Variants in EGFR observed in about 807,000 individuals in gnomAD.
The protein encoded by EGFR is epidermal growth factor receptor, also known as avian erythroblastic leukemia viral (v-erb-b) oncogene homolog.
Under a neutral mutation model 143.0 loss-of-function variants are expected in EGFR, and 58 were observed. The observed-to-expected ratio is 0.41, with a 90% CI of 0.33 to 0.50. EGFR has a LOEUF of 0.50. EGFR is among the 20% of genes least tolerant of loss of function. EGFR has a pLI of 0.39. For missense variants in EGFR, 1,307 were observed against 1,579.0 expected, an observed-to-expected ratio of 0.83 and a Z score of 2.92; for synonymous variants, 613 against 594.4, an observed-to-expected ratio of 1.03 and a Z score of -0.45.
chr7:55,077,282 C>G (rs1048037549), intron 1 of EGFR, among the ~76,000 whole-genome samples: 2 of 152,082 alleles, frequency 1.3e-5, no homozygotes, highest in African/African-American at 4.8e-5. Context: ...CACAGGGCCT[C>G]AAGCACACAG....
chr7:55,043,145 A>G (rs931113808), intron 1 of EGFR, among the ~76,000 whole-genome samples: 3 of 152,114 alleles, frequency 2.0e-5, no homozygotes, highest in East Asian at 1.9e-4. Flanking sequence ...CGTAGACTCA[A>G]TGTTAGTATC....
chr7:55,160,289 C>G lies in EGFR; in HGVS notation c.1449C>G (p.Thr483=), dbSNP rs1433584251. ...NTINWKKLFG[T]SGQKTKIISN... ...TAAACTGGAAAAAACTGTTTGGGAC[C>G]TCCGGTCAGAAAACCAAAATTATAA... The change falls in exon 12 of 28, where the codon ACC becomes ACG. Residue 483 remains threonine (T), a synonymous_variant. Coordinates refer to ENST00000275493, the MANE Select transcript of EGFR (RefSeq NM_005228.5). 1 of 1,613,944 alleles carries G rather than the reference C, an allele frequency of 6.2e-7. No individual in the cohort carries two copies. Among genetic ancestry groups the G allele is most frequent in the Admixed American group, 1.7e-5 (1 of 60,014 alleles).
intron 19 of EGFR, chr7:55,179,856 G>A (rs1386401856): frequency 6.6e-6 from 1 of 152,184 alleles, no homozygotes; most frequent in Non-Finnish European, 1.5e-5. Context: ...AGGTACTATA[G>A]GTAATCAGGA....
At chr7:55,113,135 T>C (rs1284270233) in intron 1 of EGFR, among the ~76,000 whole-genome samples, 3 of 152,214 alleles carry the variant, frequency 2.0e-5, no homozygotes, top group Admixed American at 6.5e-5. Flanking sequence ...TAGAAAGTTT[T>C]TCAAAAGTCA....
chr7:55,020,310 C>G (rs1443518690), intron 1 of EGFR, among the ~76,000 whole-genome samples: 1 of 152,244 alleles, frequency 6.6e-6, no homozygotes, highest in Admixed American at 6.5e-5. Context: ...CGGGTCTGCT[C>G]CACCTGCAGC....
chr7:55,156,434 G>A (rs2128937930), intron 8 of EGFR, 99 bp from the exon 9 acceptor site: 3 of 1,554,130 alleles, frequency 1.9e-6, no homozygotes, highest in Non-Finnish European at 2.6e-6. Flanking sequence ...GGCGGTTCCG[G>A]TGACCGGAAT....
intron 21 of EGFR, among the ~76,000 whole-genome samples, chr7:55,192,266 G>A (rs560834355): frequency 6.6e-6 from 1 of 152,284 alleles, no homozygotes; most frequent in East Asian, 1.9e-4. Flanking sequence ...CGAGCTCCCA[G>A]GGCTGTCTGT....
intron 18 of EGFR, 54 bp downstream of exon 18, chr7:55,174,097 G>T (rs1786484510): frequency 6.2e-7 from 1 of 1,612,124 alleles, no homozygotes; most frequent in Admixed American, 1.7e-5. Context: ...CTCATGGTCT[G>T]GTGGGGAGCC....
chr7:55,194,637 G>A (rs1157721258), intron 22 of EGFR, among the ~76,000 whole-genome samples: 2 of 152,166 alleles, frequency 1.3e-5, no homozygotes, highest in Non-Finnish European at 2.9e-5. Flanking sequence ...CCGTCCACCA[G>A]GTCCCCCTCC....
intron 1 of EGFR, among the ~76,000 whole-genome samples, chr7:55,081,244 T>G (rs1013890604): frequency 7.9e-5 from 12 of 152,218 alleles, no homozygotes; most frequent in African/African-American, 2.7e-4. Context: ...CATGGACTTT[T>G]GGCGGCAGAA....
In EGFR at chr7:55,205,518, CAAGG is replaced by C. The variant is rs781064539; in HGVS notation, c.3538_3541del (p.Glu1180ProfsTer18). 6.2e-7 allele frequency: 1 copy of C among 1,614,210 alleles called. No homozygotes were observed. The highest frequency in any genetic ancestry group is 8.5e-7 in the Non-Finnish European group (1 of 1,180,040). On this transcript the variant is annotated frameshift_variant, in exon 28 of 28. Coordinates refer to ENST00000275493, the MANE Select transcript of EGFR (RefSeq NM_005228.5). LOFTEE classifies it high-confidence loss of function. ...CTGACTACCAGCAGGACTTCTTTCCCAAGGAAGCCAAGCCAAATGGCATCTTTAA... is the reference window on the plus strand; with the variant it reads ...CTGACTACCAGCAGGACTTCTTTCCCAAGCCAAGCCAAATGGCATCTTTAA...
chr7:55,207,830 C>A lies in EGFR; in HGVS notation c.*2213C>A, dbSNP rs543388808. 1 of 152,368 alleles carries A rather than the reference C, an allele frequency of 6.6e-6. No individual in the cohort carries two copies. The highest frequency in any genetic ancestry group is 2.4e-5 in the African/African-American group (1 of 41,580). 9.4% of individuals were successfully genotyped at this position (152,368 alleles called of 1,614,324 possible). ...TCTCTGCACATGCTTAGTGAGAAGA[C>A]TACACAACATTTCTAAGAATCTGAG... On this transcript the variant is annotated 3_prime_UTR_variant, in exon 28 of 28. Transcript: ENST00000275493.
intron 3 of EGFR, among the ~76,000 whole-genome samples, chr7:55,144,632 C>T (rs1794658041): frequency 6.6e-6 from 1 of 152,188 alleles, no homozygotes; most frequent in Non-Finnish European, 1.5e-5. Context: ...TGTGGTTCCC[C>T]CACACCCCTT....
chr7:55,119,245 T>A (rs1793055471), intron 1 of EGFR: 1 of 152,234 alleles, frequency 6.6e-6, no homozygotes, highest in South Asian at 2.1e-4. Context: ...GTGTCTATCA[T>A]GACCTACAAA....
At chr7:55,170,730 G>T (rs1395009808) in intron 15 of EGFR, 4 of 1,489,714 alleles carry the variant, frequency 2.7e-6, no homozygotes, top group Non-Finnish European at 1.8e-6. Context: ...GCTGCCAGAT[G>T]ATTGTTCAAA....
At chr7:55,146,395 C>A (rs1382706334) in intron 3 of EGFR, among the ~76,000 whole-genome samples, 1 of 152,132 alleles carries the variant, frequency 6.6e-6, no homozygotes, top group African/African-American at 2.4e-5. Context: ...TGCTCAAAGC[C>A]CAATTCAGAG....
chr7:55,172,687 A>G (rs1333918674), intron 16 of EGFR, among the ~76,000 whole-genome samples: 1 of 152,246 alleles, frequency 6.6e-6, no homozygotes. Flanking sequence ...TTTGAATCAT[A>G]TTTTGTTAAT....
chr7:55,158,164 T>C (rs1188019003), intron 11 of EGFR, among the ~76,000 whole-genome samples: 2 of 152,236 alleles, frequency 1.3e-5, no homozygotes, highest in Non-Finnish European at 2.9e-5. Context: ...CAGGATGCAA[T>C]TGAGGTTATG....
At chr7:55,105,645 T>C (rs1274326943) in intron 1 of EGFR, among the ~76,000 whole-genome samples, 1 of 152,176 alleles carries the variant, frequency 6.6e-6, no homozygotes, top group Non-Finnish European at 1.5e-5. Context: ...TAGTGCAAAT[T>C]GAGACCACCT....
Sources: gnomAD v4.1 joint callset for allele counts (sites outside exome capture counted in the v4.1 genomes callset) on GRCh38, gnomAD v4.1.1 for gene constraint, MANE v1.5 for transcripts, NCBI Gene and HGNC (gene_info 2026-07-23, HGNC 2026-07-21) for gene names.